SFMBT1: variants seen among roughly 807,000 people sequenced by gnomAD.
The protein encoded by SFMBT1 is scm-like with four MBT domains protein 1.
Under a neutral mutation model 108.7 loss-of-function variants are expected in SFMBT1, and 32 were observed. That is an observed-to-expected ratio of 0.29 (90% CI 0.22 to 0.40). The LOEUF (loss-of-function observed/expected upper bound fraction) is 0.40, where lower values mean the gene tolerates loss of function less well. Among genes scored for constraint, SFMBT1 ranks in the 10% least tolerant of loss-of-function variants. SFMBT1 has a pLI of 1.00. For missense variants in SFMBT1, 816 were observed against 1,059.6 expected, an observed-to-expected ratio of 0.77 and a Z score of 3.19; for synonymous variants, 348 against 369.5, an observed-to-expected ratio of 0.94 and a Z score of 0.67.
chr3:52,939,619 T>G (rs1703121570), intron 4 of SFMBT1, among the ~76,000 whole-genome samples: 2 of 152,242 alleles, frequency 1.3e-5, no homozygotes, highest in East Asian at 3.9e-4. Flanking sequence ...TAGTTTATAG[T>G]ATTTTATTGT....
rs938776528 is a variant in SFMBT1 at position 52,923,568 on chromosome 3, A to G, written c.1132-1737T>C. Among the ~76,000 whole-genome samples the G allele has an allele frequency of 2.0e-4, 31 of 152,022 alleles. 1 individual carries two copies. The highest frequency in any genetic ancestry group is 7.9e-4 in the Admixed American group (12 of 15,272). ...AGAGCAAAGCTCCATCAAAAAAAAA[A>G]AAAGAAAGAAAGAACAAACGAACGA... On this transcript the variant is annotated intron_variant, in intron 10 of 20. Coordinates refer to ENST00000394752, the MANE Select transcript of SFMBT1 (RefSeq NM_016329.4).
intron 2 of SFMBT1, among the ~76,000 whole-genome samples, chr3:52,955,936 C>T (rs1219087705): frequency 1.3e-5 from 2 of 152,152 alleles, no homozygotes; most frequent in African/African-American, 4.8e-5. Context: ...TCCTGATGAA[C>T]ATCAATGCAA....
chr3:53,040,968 A>T (rs372319819), intron 1 of SFMBT1, among the ~76,000 whole-genome samples: 544 of 46,384 alleles, frequency 0.012, 8 homozygotes, highest in Middle Eastern at 0.018. Context: ...AGACACCTGA[A>T]TTTTTTTTTT....
At chr3:52,949,824 T>G (rs1387035171) in intron 3 of SFMBT1, among the ~76,000 whole-genome samples, 4 of 151,960 alleles carry the variant, frequency 2.6e-5, no homozygotes, top group Non-Finnish European at 5.9e-5. Context: ...AATGATGCAC[T>G]CATCTCGGCC....
At chr3:53,013,692 A>T (rs55794978) in intron 1 of SFMBT1, among the ~76,000 whole-genome samples, 8,540 of 127,278 alleles carry the variant, frequency 0.067, 832 homozygotes, top group African/African-American at 0.2. Context: ...GCAATGGCGC[A>T]ATCTCAGCTC....
At chr3:52,989,732 T>G (rs1475217397) in intron 1 of SFMBT1, among the ~76,000 whole-genome samples, 1 of 150,930 alleles carries the variant, frequency 6.6e-6, no homozygotes, top group Non-Finnish European at 1.5e-5. Context: ...AGACAGAGGG[T>G]GCAGTAAGCC....
rs545541965 is a variant in SFMBT1, at chr3:52,909,502, T to G, written c.1906+1501A>C. Reference sequence around the variant, plus strand: ...AGCTCGTCATACTAAGTATGGACCTTGGATCAATAGCATCAGTGGCATCTG... The same window carrying G: ...AGCTCGTCATACTAAGTATGGACCTGGGATCAATAGCATCAGTGGCATCTG... On this transcript the variant is annotated intron_variant, in intron 17 of 20. Coordinates refer to ENST00000394752, the MANE Select transcript of SFMBT1 (RefSeq NM_016329.4). Among the ~76,000 whole-genome samples, 3 of 152,316 alleles carry G rather than the reference T, an allele frequency of 2.0e-5. No individual in the cohort carries two copies. The South Asian group carries it at 6.2e-4, about 32-fold the overall frequency.
rs2106752368 is a variant in SFMBT1 at position 52,903,934 on chromosome 3, A to G, written c.*1202T>C. On this transcript the variant is annotated 3_prime_UTR_variant, in exon 21 of 21. Transcript: ENST00000394752. Reference sequence around the variant, plus strand: ...CTAAAGATTATATTCAATTTAAAGGATTAGCTGAAAAAAGTCTAAGTGTGG... The same window carrying G: ...CTAAAGATTATATTCAATTTAAAGGGTTAGCTGAAAAAAGTCTAAGTGTGG... 1 of 152,346 alleles carries G rather than the reference A, an allele frequency of 6.6e-6. No homozygotes were observed. The highest frequency in any genetic ancestry group is 1.5e-5 in the Non-Finnish European group (1 of 68,032). 9.4% of individuals were successfully genotyped at this position (152,346 alleles called of 1,614,324 possible). A position where few individuals can be genotyped will look rare whatever the true frequency, so the allele number is the denominator to read the frequency against.
intron 1 of SFMBT1, among the ~76,000 whole-genome samples, chr3:52,984,729 T>TGG (rs1704844136): frequency 2.7e-5 from 1 of 36,706 alleles, no homozygotes; most frequent in African/African-American, 8.7e-5. Context: ...CTAAATACTG[T>TGG]GTGTGTGTGT....
intron 2 of SFMBT1, among the ~76,000 whole-genome samples, chr3:52,955,536 CACAG>C (rs1703751096): frequency 6.6e-6 from 1 of 151,994 alleles, no homozygotes; most frequent in Non-Finnish European, 1.5e-5. Flanking sequence ...CCACCAATCC[CACAG>C]AAATACAAAC....
At chr3:52,912,262 C>A (rs1702233905) in intron 16 of SFMBT1, among the ~76,000 whole-genome samples, 1 of 151,966 alleles carries the variant, frequency 6.6e-6, no homozygotes, top group Admixed American at 6.6e-5. Context: ...CTCACTGCAA[C>A]CTCCACCTCC....
intron 4 of SFMBT1, among the ~76,000 whole-genome samples, chr3:52,937,383 A>G (rs1261481954): frequency 6.6e-6 from 1 of 152,110 alleles, no homozygotes; most frequent in Non-Finnish European, 1.5e-5. Context: ...CATAAGCTCC[A>G]TATACAGTTA....
intron 1 of SFMBT1, among the ~76,000 whole-genome samples, chr3:53,010,668 T>C (rs1462966609): frequency 1.3e-5 from 2 of 152,220 alleles, no homozygotes; most frequent in East Asian, 3.8e-4. Context: ...ATGTTATTTA[T>C]AGCCTAGTAC....
chr3:52,911,179 C>A lies in SFMBT1; in HGVS notation c.1731-1G>T. On this transcript the variant is annotated splice_acceptor_variant, in intron 16 of 20. Transcript: ENST00000394752. LOFTEE classifies it high-confidence loss of function. ...AGCCCGATAACTCTTTCCTTTATAT[C>A]TGCCATTGGAAGACATCAGATGCCA... is the stretch of plus-strand genomic sequence containing the variant. 1.2e-6 allele frequency: 2 copies of A among 1,600,224 alleles called. No homozygotes were observed. The highest frequency in any genetic ancestry group is 1.7e-6 in the Non-Finnish European group (2 of 1,173,522).
chr3:52,991,673 G>A (rs1343781680), intron 1 of SFMBT1, among the ~76,000 whole-genome samples: 1 of 152,046 alleles, frequency 6.6e-6, no homozygotes, highest in Non-Finnish European at 1.5e-5. Flanking sequence ...CCTAATATGA[G>A]AGTATTAAGA....
intron 1 of SFMBT1, among the ~76,000 whole-genome samples, chr3:52,999,780 T>G (rs12635298): frequency 6.7e-6 from 1 of 149,310 alleles, no homozygotes; most frequent in Non-Finnish European, 1.5e-5. Context: ...GAGTGCCCAT[T>G]CCTCTCCCTG....
intron 1 of SFMBT1, among the ~76,000 whole-genome samples, chr3:53,008,462 C>T (rs1698824482): frequency 6.6e-6 from 1 of 152,086 alleles, no homozygotes; most frequent in South Asian, 2.1e-4. Flanking sequence ...AAATTCTTTC[C>T]AACAAGAATG....
intron 2 of SFMBT1, among the ~76,000 whole-genome samples, chr3:52,959,749 C>G (rs554252784): frequency 6.6e-6 from 1 of 152,148 alleles, no homozygotes; most frequent in Admixed American, 6.5e-5. Flanking sequence ...AATTTGCCAC[C>G]TAGATTCTTA....
chr3:52,909,928 G>C (rs916782100), intron 17 of SFMBT1, among the ~76,000 whole-genome samples: 21 of 152,106 alleles, frequency 1.4e-4, no homozygotes, highest in African/African-American at 5.1e-4. Flanking sequence ...TCCCCAACTA[G>C]TGTGGCTTCA....
Sources: gnomAD v4.1 joint callset for allele counts (sites outside exome capture counted in the v4.1 genomes callset) on GRCh38, gnomAD v4.1.1 for gene constraint, MANE v1.5 for transcripts, NCBI Gene and HGNC (gene_info 2026-07-23, HGNC 2026-07-21) for gene names.